LSM12: variants seen among roughly 807,000 people sequenced by gnomAD.
LSM12 encodes the protein protein LSM12.
For synonymous variants in LSM12, 74 were observed against 87.3 expected, an observed-to-expected ratio of 0.85 and a Z score of 0.85; for missense variants, 108 against 238.9, an observed-to-expected ratio of 0.45 and a Z score of 3.61.
Position 44,058,186 on chromosome 17 carries a change from G to A in LSM12, c.258+5615C>T, listed in dbSNP as rs555411292. 2.0e-5 allele frequency among the ~76,000 whole-genome samples: 3 copies of A among 151,784 alleles called. No homozygotes were observed. In the East Asian group the frequency reaches 5.8e-4, roughly 30 times the overall value. On this transcript the variant is annotated intron_variant, in intron 2 of 4. Transcript: ENST00000293406. Reference sequence around the variant, plus strand: ...CAGGAGGCGGAGCTTGCAGTGAGCCGAGATCGCGCCACTGCACTCCAGCCT... The same window carrying A: ...CAGGAGGCGGAGCTTGCAGTGAGCCAAGATCGCGCCACTGCACTCCAGCCT...
intron 2 of LSM12, among the ~76,000 whole-genome samples, chr17:44,058,592 G>A (rs978535250): frequency 1.3e-5 from 2 of 152,146 alleles, no homozygotes; most frequent in South Asian, 2.1e-4. Context: ...CAGCACTTTG[G>A]GAGGCCAAGG....
At chr17:44,064,363 C>A (rs1424084937) in intron 1 of LSM12, among the ~76,000 whole-genome samples, 1 of 152,154 alleles carries the variant, frequency 6.6e-6, no homozygotes, top group African/African-American at 2.4e-5. Context: ...GGTGACCCAG[C>A]CAGTTAATCC....
At chr17:44,041,020 TAC>T (rs368814549) in intron 2 of LSM12, among the ~76,000 whole-genome samples, 3 of 147,978 alleles carry the variant, frequency 2.0e-5, no homozygotes, top group Non-Finnish European at 4.5e-5. Context: ...TACATACACA[TAC>T]ACACACACAC....
chr17:44,059,396 C>T (rs895648809), intron 2 of LSM12, among the ~76,000 whole-genome samples: 2 of 152,126 alleles, frequency 1.3e-5, no homozygotes, highest in South Asian at 4.1e-4. Flanking sequence ...CAAGGCCAGC[C>T]TGGTCAACAC....
rs2049410583 is a variant in LSM12, at chr17:44,035,931, A to C, written c.*277T>G. The C allele has an allele frequency of 5.3e-6, 1 of 187,390 alleles. No individual in the cohort carries two copies. Among genetic ancestry groups the C allele is most frequent in the Non-Finnish European group, 1.0e-5 (1 of 96,018 alleles). 11.6% of individuals were successfully genotyped at this position (187,390 alleles called of 1,614,324 possible). A position where few individuals can be genotyped will look rare whatever the true frequency, so the allele number is the denominator to read the frequency against. On this transcript the variant is annotated 3_prime_UTR_variant, in exon 5 of 5. Transcript: ENST00000293406. ...CAGAGTGGGAAAATAATTTTCAAAA[A>C]TAAAATTAACAAGGTGACTGTTCCA... is the stretch of plus-strand genomic sequence containing the variant.
chr17:44,048,474 T>G (rs1210933517), intron 2 of LSM12, among the ~76,000 whole-genome samples: 1 of 124,634 alleles, frequency 8.0e-6, no homozygotes, highest in African/African-American at 3.2e-5. Flanking sequence ...AGAGAGAGAC[T>G]CCATCTCAAA....
intron 1 of LSM12, among the ~76,000 whole-genome samples, chr17:44,065,397 C>G (rs1027491532): frequency 6.7e-6 from 1 of 148,414 alleles, no homozygotes; most frequent in East Asian, 2.0e-4. Context: ...GCCGAGATTG[C>G]GCCACCGCAC....
intron 2 of LSM12, among the ~76,000 whole-genome samples, chr17:44,050,993 G>T (rs2049635913): frequency 6.6e-6 from 1 of 152,112 alleles, no homozygotes; most frequent in Admixed American, 6.6e-5. Context: ...TAGCTGGGGG[G>T]CTGGACGTAG....
chr17:44,062,687 G>C (rs556989921), intron 2 of LSM12, among the ~76,000 whole-genome samples: 1 of 152,210 alleles, frequency 6.6e-6, no homozygotes, highest in East Asian at 1.9e-4. Flanking sequence ...AGAAGTTCAA[G>C]ATCAGCCTGG....
chr17:44,038,151 C>T (rs2049439333), intron 3 of LSM12, among the ~76,000 whole-genome samples: 1 of 151,908 alleles, frequency 6.6e-6, no homozygotes, highest in Admixed American at 6.6e-5. Flanking sequence ...GAGTTCGAGA[C>T]CAGACTGGGC....
At chr17:44,046,156 T>C (rs1358455727) in intron 2 of LSM12, among the ~76,000 whole-genome samples, 2 of 150,714 alleles carry the variant, frequency 1.3e-5, no homozygotes, top group African/African-American at 2.4e-5. Flanking sequence ...AGGATGGTCT[T>C]GATCTCCTGA....
intron 4 of LSM12, 177 bp downstream of exon 4, chr17:44,037,235 G>C (rs2049427660): frequency 1.1e-5 from 7 of 621,530 alleles, no homozygotes; most frequent in Non-Finnish European, 1.8e-5. Flanking sequence ...CCACCCAGTG[G>C]TTCCATTCCC....
At chr17:44,060,494 T>G (rs1034228496) in intron 2 of LSM12, among the ~76,000 whole-genome samples, 1 of 152,188 alleles carries the variant, frequency 6.6e-6, no homozygotes, top group Non-Finnish European at 1.5e-5. Flanking sequence ...AAAGCCAATA[T>G]AGCTTACTCA....
chr17:44,044,695 T>C (rs2049538476), intron 2 of LSM12, among the ~76,000 whole-genome samples: 1 of 152,160 alleles, frequency 6.6e-6, no homozygotes, highest in Admixed American at 6.6e-5. Context: ...TAAAAGAAAC[T>C]AGAAGTGTTT....
intron 2 of LSM12, among the ~76,000 whole-genome samples, chr17:44,045,763 G>A (rs1597886776): frequency 2.0e-5 from 3 of 151,816 alleles, no homozygotes; most frequent in African/African-American, 4.8e-5. Context: ...TGTAGAGACA[G>A]GGTTTCACCG....
chr17:44,042,463 G>A (rs1206777897), intron 2 of LSM12, among the ~76,000 whole-genome samples: 2 of 151,304 alleles, frequency 1.3e-5, no homozygotes, highest in South Asian at 2.1e-4. Flanking sequence ...ACAATGGCAC[G>A]ATCTCAGCTC....
intron 2 of LSM12, among the ~76,000 whole-genome samples, chr17:44,051,847 C>T (rs961782528): frequency 2.6e-5 from 4 of 152,158 alleles, no homozygotes; most frequent in African/African-American, 9.6e-5. Flanking sequence ...GTGGTTCACG[C>T]TTATAATCCC....
intron 2 of LSM12, among the ~76,000 whole-genome samples, chr17:44,055,749 G>A (rs2049705408): frequency 6.2e-5 from 9 of 145,234 alleles, no homozygotes; most frequent in Admixed American, 5.6e-4. Flanking sequence ...TAATATATGT[G>A]TATATATATA....
chr17:44,061,222 C>A (rs1415119200), intron 2 of LSM12, among the ~76,000 whole-genome samples: 1 of 150,094 alleles, frequency 6.7e-6, no homozygotes, highest in Non-Finnish European at 1.5e-5. Flanking sequence ...GAGGCTGAGG[C>A]AGGAGAATCA....
Sources: allele counts gnomAD v4.1 joint callset (sites outside exome capture counted in the v4.1 genomes callset), GRCh38; gene constraint gnomAD v4.1.1; transcripts MANE v1.5; gene names NCBI Gene and HGNC (gene_info 2026-07-23, HGNC 2026-07-21).